TUBB1: variants seen among roughly 807,000 people sequenced by gnomAD.
TUBB1 encodes tubulin beta-1 chain.
In TUBB1, 28 loss-of-function variants were observed where a neutral mutation model predicts 22.6. The ratio of observed to expected loss-of-function variants is 1.24; its 90% confidence interval spans 0.92 to 1.70. The LOEUF is 1.70. Among genes scored for constraint, TUBB1 ranks in the 40% most tolerant of loss-of-function variants. TUBB1 has a pLI of 0.00. For missense variants in TUBB1, 577 were observed against 605.5 expected (o/e 0.95, Z 0.49); for synonymous variants, 226 against 238.0 (o/e 0.95, Z 0.46).
In TUBB1 at chr20:59,023,746, A is replaced by C. The variant is rs752079894; in HGVS notation, c.319A>C (p.Thr107Pro). 1.2e-5 allele frequency: 19 copies of C among 1,614,030 alleles called. No homozygotes were observed. In the Admixed American group the frequency reaches 2.0e-4, roughly 17 times the overall value. The change falls in exon 4 of 4, where the codon ACG becomes CCG. Residue 107 changes from threonine to proline, a missense_variant. Thr to Pro is a conservative substitution (Grantham distance 38, BLOSUM62 -1). Coordinates refer to ENST00000217133, the MANE Select transcript of TUBB1 (RefSeq NM_030773.4). ...CAACAACTGGGCCAAAGGCCACTACACGGAGGGAGCCGAGCTGATCGAGAA... is the reference window on the plus strand; with the variant it reads ...CAACAACTGGGCCAAAGGCCACTACCCGGAGGGAGCCGAGCTGATCGAGAA... ...AGNNWAKGHY[T>P]EGAELIENVL... is the part of the protein sequence containing the mutation.
chr20:59,019,892 T>C (rs777596394), intron 1 of TUBB1, among the ~76,000 whole-genome samples: 1 of 152,006 alleles, frequency 6.6e-6, no homozygotes, highest in Non-Finnish European at 1.5e-5. Flanking sequence ...ACGTTTATCA[T>C]CTTTTTCTTT....
Position 59,024,385 on chromosome 20 carries a change from A to G in TUBB1, c.958A>G (p.Lys320Glu). ...CACAGTGGCCTGCATTTTCCGGGGC[A>G]AGATGTCCACCAAGGAAGTGGACCA... is the stretch of plus-strand genomic sequence containing the variant. ...YLTVACIFRGKMSTKEVDQQL... is the reference protein window; with the variant it reads ...YLTVACIFRGEMSTKEVDQQL... The change falls in exon 4 of 4, where the codon AAG becomes GAG. Residue 320 changes from lysine (K) to glutamate (E), a missense_variant. Transcript: ENST00000217133. This position sits in a 1 kb window ranked among gnomAD's most constrained non-coding sequence, Gnocchi z 4.9. 6 of 1,614,198 alleles carry G rather than the reference A, an allele frequency of 3.7e-6. No homozygotes were observed. The highest frequency in any genetic ancestry group is 1.3e-5 in the African/African-American group (1 of 75,058).
rs367852878 is a variant in TUBB1, at chr20:59,022,963, G to C, written c.166+10G>C. ...TACAACGAAGCCTACGGTAGGACTG[G>C]CGGGGCTCTGGGAGCAGTGGTCCCG... is the stretch of plus-strand genomic sequence containing the variant. On this transcript the variant is annotated intron_variant, in intron 2 of 3. Transcript: ENST00000217133. 2 of 1,611,332 alleles carry C rather than the reference G, an allele frequency of 1.2e-6. No homozygotes were observed. Among genetic ancestry groups the C allele is most frequent in the African/African-American group, 2.7e-5 (2 of 74,818 alleles).
At chr20:59,021,474 C>A (rs980682813) in intron 1 of TUBB1, among the ~76,000 whole-genome samples, 1 of 152,216 alleles carries the variant, frequency 6.6e-6, no homozygotes, top group African/African-American at 2.4e-5. Flanking sequence ...TTTTAACATA[C>A]CCTTGGGGAT....
chr20:59,019,458 C>T lies in TUBB1; in HGVS notation c.-65C>T, dbSNP rs2146372873. ...TTGTGTTGGGCTCACACCAGTGAAC[C>T]GAAGCTCTGGATTCTGAGAGTCTGA... On this transcript the variant is annotated 5_prime_UTR_variant, in exon 1 of 4. Coordinates refer to ENST00000217133, the MANE Select transcript of TUBB1 (RefSeq NM_030773.4). The T allele has an allele frequency of 7.5e-6, 12 of 1,592,002 alleles. No homozygotes were observed. Among genetic ancestry groups the T allele is most frequent in the East Asian group, 2.2e-5 (1 of 44,758 alleles).
At position 59,026,595 on chromosome 20, in the gene TUBB1, A is replaced by T. The variant is rs906788747; in HGVS notation, c.*1812A>T. ...AATCATTAAACTACAAAGTAATTCA[A>T]TTTTAAATGGCAAAATTGCTTTATT... On this transcript the variant is annotated 3_prime_UTR_variant, in exon 4 of 4. Transcript: ENST00000217133. 4.6e-5 allele frequency: 7 copies of T among 152,240 alleles called. No homozygotes were observed. Among genetic ancestry groups the T allele is most frequent in the Admixed American group, 3.9e-4 (6 of 15,286 alleles). The allele number at this position is 152,240 out of a possible 1,614,324, so 9.4% of individuals were successfully genotyped here. A position where few individuals can be genotyped will look rare whatever the true frequency, so the allele number is the denominator to read the frequency against.
Position 59,023,942 on chromosome 20 carries a change from C to G in TUBB1, c.515C>G (p.Ser172Cys). 3 of 1,614,224 alleles carry G rather than the reference C, an allele frequency of 1.9e-6. No homozygotes were observed. The highest frequency in any genetic ancestry group is 2.5e-6 in the Non-Finnish European group (3 of 1,180,038). Reference sequence around the variant, plus strand: ...ATGAATTCCTTCAGCGTCATGCCTTCTCCCAAGGTGTCGGACACTGTGGTG... The same window carrying G: ...ATGAATTCCTTCAGCGTCATGCCTTGTCCCAAGGTGTCGGACACTGTGGTG... Reference protein sequence around the residue: ...RIMNSFSVMPSPKVSDTVVEP... With the variant: ...RIMNSFSVMPCPKVSDTVVEP... The change falls in exon 4 of 4, where the codon TCT (serine) becomes TGT (cysteine). Residue 172 changes from serine to cysteine, a missense_variant. Transcript: ENST00000217133.
chr20:59,018,001 G>A (rs1410495079), upstream of TUBB1, among the ~76,000 whole-genome samples: 1 of 152,236 alleles, frequency 6.6e-6, no homozygotes, highest in Non-Finnish European at 1.5e-5. Context: ...GTTGCTCACC[G>A]GATGGTGGTT....
upstream of TUBB1, among the ~76,000 whole-genome samples, chr20:59,019,028 G>A (rs572762420): frequency 3.3e-5 from 5 of 152,334 alleles, no homozygotes; most frequent in South Asian, 2.1e-4. Flanking sequence ...CTGCTGTGGC[G>A]GGGCACGGGG....
At chr20:59,019,418 C>A, upstream of TUBB1, 1 of 1,401,474 alleles carries the variant, frequency 7.1e-7, no homozygotes, top group Non-Finnish European at 1.0e-6. Context: ...AGTCCCACCA[C>A]TGCAGTGACC....
At chr20:59,017,241 A>C (rs1405025571), upstream of TUBB1, among the ~76,000 whole-genome samples, 1 of 152,178 alleles carries the variant, frequency 6.6e-6, no homozygotes, top group Admixed American at 6.5e-5. Flanking sequence ...CCTTATTTGA[A>C]TTTTGACAAT....
chr20:59,022,409 C>G (rs941734216), intron 1 of TUBB1, among the ~76,000 whole-genome samples: 1 of 151,744 alleles, frequency 6.6e-6, no homozygotes, highest in South Asian at 2.1e-4. Context: ...AAAGAAATCC[C>G]CAAAGTGAAA....
At position 59,023,491 on chromosome 20, in the gene TUBB1, T is replaced by C. The variant is rs1485251606; in HGVS notation, c.168T>C (p.Gly56=). 6.2e-6 allele frequency: 10 copies of C among 1,613,538 alleles called. No homozygotes were observed. Among genetic ancestry groups the C allele is most frequent in the Non-Finnish European group, 8.5e-6 (10 of 1,179,638 alleles). The change falls in exon 3 of 4, where the codon GGT becomes GGC. Residue 56 remains glycine (G), a splice_region_variant and synonymous_variant. Transcript: ENST00000217133. ...ACTTTTTCCTATTTTTCTACACAGG[T>C]AGGAAATATGTGCCCCGAGCAGTCT... ...RISVYYNEAY[G]RKYVPRAVLV...
In TUBB1 at chr20:59,024,326, T is replaced by C. The variant is rs867016784; in HGVS notation, c.899T>C (p.Met300Thr). The C allele has an allele frequency of 6.2e-7, 1 of 1,613,804 alleles. No homozygotes were observed. Among genetic ancestry groups the C allele is most frequent in the South Asian group, 1.1e-5 (1 of 91,082 alleles). ...CAGATGTTCGATGCCCGCAATACCA[T>C]GGCTGCCTGTGACCTCCGCCGTGGC... ...TQQMFDARNT[M>T]AACDLRRGRY... The change falls in exon 4 of 4, where the codon ATG becomes ACG. Residue 300 changes from methionine (M) to threonine (T), a missense_variant. Physicochemically the swap from Met to Thr is moderately conservative, Grantham distance 81. Coordinates refer to ENST00000217133, the MANE Select transcript of TUBB1 (RefSeq NM_030773.4). The surrounding 1 kb of genome is among the most constrained non-coding windows in gnomAD (Gnocchi z 4.9).
At chr20:59,018,398 G>A (rs964787976), upstream of TUBB1, among the ~76,000 whole-genome samples, 2 of 151,898 alleles carry the variant, frequency 1.3e-5, no homozygotes, top group South Asian at 2.1e-4. Context: ...CCTGTACACC[G>A]CATGAGGGAA....
chr20:59,016,636 A>G (rs2091946773), upstream of TUBB1, among the ~76,000 whole-genome samples: 1 of 152,192 alleles, frequency 6.6e-6, no homozygotes, highest in South Asian at 2.1e-4. Flanking sequence ...CGCCAGGAGA[A>G]AGGCTGGAAG....
In TUBB1 at chr20:59,024,351, C is replaced by T. The variant is rs1382759148; in HGVS notation, c.924C>T (p.Gly308=). ...NTMAACDLRR[G]RYLTVACIFR... ...TGGCTGCCTGTGACCTCCGCCGTGGCCGCTACCTCACAGTGGCCTGCATTT... is the reference window on the plus strand; with the variant it reads ...TGGCTGCCTGTGACCTCCGCCGTGGTCGCTACCTCACAGTGGCCTGCATTT... The change falls in exon 4 of 4, where the codon GGC becomes GGT. Residue 308 remains glycine, a synonymous_variant. Coordinates refer to ENST00000217133, the MANE Select transcript of TUBB1 (RefSeq NM_030773.4). This position sits in a 1 kb window ranked among gnomAD's most constrained non-coding sequence, Gnocchi z 4.9. 2 of 1,614,026 alleles carry T rather than the reference C, an allele frequency of 1.2e-6. No individual in the cohort carries two copies. The highest frequency in any genetic ancestry group is 1.1e-5 in the South Asian group (1 of 91,094).
chr20:59,023,606 T>C lies in TUBB1; in HGVS notation c.277+6T>C. ...ACCCGACAGTTTTGTCCATGGTATG[T>C]TTTTCCAGAAGGTTCCACCAGGAGG... On this transcript the variant is annotated splice_donor_region_variant and intron_variant, in intron 3 of 3. Transcript: ENST00000217133. 7 of 1,614,116 alleles carry C rather than the reference T, an allele frequency of 4.3e-6. No individual in the cohort carries two copies. The highest frequency in any genetic ancestry group is 5.9e-6 in the Non-Finnish European group (7 of 1,179,984).
At position 59,025,098 on chromosome 20, in the gene TUBB1, G is replaced by A. The variant is rs552450058; in HGVS notation, c.*315G>A. On this transcript the variant is annotated 3_prime_UTR_variant, in exon 4 of 4. Transcript: ENST00000217133. ...GCCAGGCATCCAGACTACACGTGTG[G>A]ATTTGCAGGGAGCCACTGGAGTTGG... 2 of 398,382 alleles carry A rather than the reference G, an allele frequency of 5.0e-6. No homozygotes were observed. Among genetic ancestry groups the A allele is most frequent in the Non-Finnish European group, 9.5e-6 (2 of 210,688 alleles). The allele number at this position is 398,382 out of a possible 1,614,324, so 24.7% of individuals were successfully genotyped here.
Sources: allele counts gnomAD v4.1 joint callset (sites outside exome capture counted in the v4.1 genomes callset), GRCh38; gene constraint gnomAD v4.1.1; non-coding constraint Gnocchi (gnomAD v3.1); transcripts MANE v1.5; gene names NCBI Gene and HGNC (gene_info 2026-07-23, HGNC 2026-07-21).